Variants in ERCC6 observed in about 807,000 individuals in gnomAD.
ERCC6 encodes the protein DNA excision repair protein ERCC-6.
Under a neutral mutation model 158.7 loss-of-function variants are expected in ERCC6, and 116 were observed. That is an observed-to-expected ratio of 0.73 (90% confidence interval 0.63 to 0.85). The LOEUF (loss-of-function observed/expected upper bound fraction) is 0.85. Ranked by LOEUF, ERCC6 falls within the 40% of genes least tolerant of loss-of-function variation. The pLI, the probability that ERCC6 is intolerant of heterozygous loss-of-function variation, is 0.00. For missense variants in ERCC6, 1,698 were observed against 1,799.4 expected (o/e 0.94, Z 1.02); for synonymous variants, 678 against 659.3 (o/e 1.03, Z -0.43).
Position 49,461,570 on chromosome 10 carries a change from A to G in ERCC6, c.3779-14T>C. 1.2e-6 allele frequency: 2 copies of G among 1,607,742 alleles called. No individual in the cohort carries two copies. Among genetic ancestry groups the G allele is most frequent in the Non-Finnish European group, 1.7e-6 (2 of 1,176,622 alleles). On this transcript the variant is annotated splice_polypyrimidine_tract_variant and intron_variant, in intron 18 of 20. Coordinates refer to ENST00000355832, the MANE Select transcript of ERCC6 (RefSeq NM_000124.4). ...TGTGCACGCCAACTAGCAAGAAAAG[A>G]AATAGCAAAGTGATATTTCACTCTG...
intron 2 of ERCC6, among the ~76,000 whole-genome samples, chr10:49,531,443 TTGTG>T (rs1351254963): frequency 6.6e-6 from 1 of 152,212 alleles, no homozygotes; most frequent in Non-Finnish European, 1.5e-5. Context: ...TTCTTGATGA[TTGTG>T]TAATTTGCTG....
chr10:49,516,065 T>G (rs761559473), intron 5 of ERCC6: 1 of 1,614,160 alleles, frequency 6.2e-7, no homozygotes, highest in Non-Finnish European at 8.5e-7. Flanking sequence ...AGTTATTGAA[T>G]ACAAAATGGT....
Position 49,483,482 on chromosome 10 carries a change from C to G in ERCC6, c.1856G>C (p.Gly619Ala). The G allele has an allele frequency of 1.2e-6, 2 of 1,614,102 alleles. No individual in the cohort carries two copies. The highest frequency in any genetic ancestry group is 4.5e-5 in the East Asian group (2 of 44,872). Residue 619 changes from glycine to alanine, a missense_variant, in exon 9 of 21, where the codon GGA becomes GCA. Coordinates refer to ENST00000355832, the MANE Select transcript of ERCC6 (RefSeq NM_000124.4). Reference protein sequence around the residue: ...KLIRDVAHCHGILITSYSYIR... With the variant: ...KLIRDVAHCHAILITSYSYIR... The stretch of plus-strand genomic sequence containing the variant: ...GTAGGAGTAAGATGTGATCAAAATT[C>G]CATGACAATGAGCAACATCTCGAAT...
chr10:49,491,050 C>A (rs1851166055), intron 8 of ERCC6, among the ~76,000 whole-genome samples: 1 of 152,186 alleles, frequency 6.6e-6, no homozygotes, highest in Non-Finnish European at 1.5e-5. Flanking sequence ...CAGAGATCTG[C>A]ACATACACAG....
chr10:49,490,357 CTTTT>C (rs11400742), intron 8 of ERCC6, among the ~76,000 whole-genome samples: 1 of 140,466 alleles, frequency 7.1e-6, no homozygotes, highest in East Asian at 2.1e-4. Flanking sequence ...AAAAATTTTC[CTTTT>C]TTTTTTTTTT....
chr10:49,493,362 A>G, intron 7 of ERCC6, 110 bp from the exon 8 acceptor site: 1 of 1,287,318 alleles, frequency 7.8e-7, no homozygotes, highest in African/African-American at 1.5e-5. Context: ...CAAAAAAACA[A>G]TGCTAACTAT....
At chr10:49,446,040 A>C in the ERCC6 span, among the ~76,000 whole-genome samples, 2 of 152,200 alleles carry the variant, frequency 1.3e-5, no homozygotes, top group Non-Finnish European at 2.9e-5. Flanking sequence ...ATTCATAACT[A>C]TAAGTTCACA....
At chr10:49,474,577 G>T (rs376445140) in intron 12 of ERCC6, among the ~76,000 whole-genome samples, 2 of 152,044 alleles carry the variant, frequency 1.3e-5, no homozygotes, top group Admixed American at 6.5e-5. Context: ...AAAGGAATTC[G>T]CCTTTTAAAT....
chr10:49,500,712 C>T lies in ERCC6; in HGVS notation c.1527-16G>A, dbSNP rs200100617. The T allele has an allele frequency of 1.9e-6, 3 of 1,612,980 alleles. No homozygotes were observed. Among genetic ancestry groups the T allele is most frequent in the Non-Finnish European group, 2.5e-6 (3 of 1,179,698 alleles). ...CTGCTGGTACCTATGACAACAAACACCAACAAGAAAAGAGAAAATGGCAAA... is the reference window on the plus strand; with the variant it reads ...CTGCTGGTACCTATGACAACAAACATCAACAAGAAAAGAGAAAATGGCAAA... On this transcript the variant is annotated splice_polypyrimidine_tract_variant and intron_variant, in intron 6 of 20. Coordinates refer to ENST00000355832, the MANE Select transcript of ERCC6 (RefSeq NM_000124.4).
At position 49,472,435 on chromosome 10, in the gene ERCC6, C is replaced by T. The variant is rs116186885; in HGVS notation, c.2865G>A (p.Lys955=). 1.8e-5 allele frequency: 29 copies of T among 1,614,104 alleles called. No individual in the cohort carries two copies. In the East Asian group the frequency reaches 2.0e-4, roughly 11 times the overall value. Residue 955 remains lysine, a synonymous_variant, in exon 16 of 21, where the codon AAG becomes AAA. Coordinates refer to ENST00000355832, the MANE Select transcript of ERCC6 (RefSeq NM_000124.4). ...TCAGGAGCCTGTACACAGTCACTTG[C>T]TTCTTCTGGCCTATTCTCCATGCTC... ...RERAWRIGQK[K]QVTVYRLLTA... is the part of the protein sequence containing the mutation.
At chr10:49,473,951 G>T in intron 13 of ERCC6, 76 bp downstream of exon 13, 2 of 1,308,452 alleles carry the variant, frequency 1.5e-6, no homozygotes, top group South Asian at 1.2e-5. Context: ...CATTACTTTA[G>T]ATTGAATCCC....
intron 4 of ERCC6, among the ~76,000 whole-genome samples, chr10:49,527,276 G>A (rs1050554746): frequency 6.6e-6 from 1 of 152,178 alleles, no homozygotes; most frequent in Non-Finnish European, 1.5e-5. Context: ...GATCTGAGAC[G>A]GCCAGACAGG....
chr10:49,492,612 G>A (rs113010035), intron 8 of ERCC6, among the ~76,000 whole-genome samples: 66 of 152,304 alleles, frequency 4.3e-4, no homozygotes, highest in African/African-American at 1.5e-3. Flanking sequence ...AAATACAACT[G>A]TCAATACATG....
In ERCC6 at chr10:49,459,249, C is replaced by T. The variant is rs747021788; in HGVS notation, c.4063-15G>A. 3 of 1,612,910 alleles carry T rather than the reference C, an allele frequency of 1.9e-6. No individual in the cohort carries two copies. The highest frequency in any genetic ancestry group is 2.5e-6 in the Non-Finnish European group (3 of 1,179,480). On this transcript the variant is annotated splice_polypyrimidine_tract_variant and intron_variant, in intron 20 of 20. Coordinates refer to ENST00000355832, the MANE Select transcript of ERCC6 (RefSeq NM_000124.4). ...ATGATGCCATCCTATAAAAAGAAGA[C>T]CACTATACTGATATATTTAATTTCT...
At chr10:49,515,251 T>C in intron 5 of ERCC6, 4 of 1,455,522 alleles carry the variant, frequency 2.7e-6, no homozygotes, top group South Asian at 1.6e-5. Flanking sequence ...CGTTCCAAAA[T>C]TGGAACACTA....
intron 12 of ERCC6, chr10:49,475,293 T>C (rs1229180474): frequency 2.9e-6 from 1 of 345,382 alleles, no homozygotes; most frequent in Admixed American, 3.5e-5. Context: ...ATTTTAGATA[T>C]ATGAAATAAA....
chr10:49,530,706 T>C lies in ERCC6; in HGVS notation c.543+14A>G, dbSNP rs1351558798. 1.9e-6 allele frequency: 3 copies of C among 1,612,214 alleles called. No homozygotes were observed. Among genetic ancestry groups the C allele is most frequent in the Non-Finnish European group, 2.5e-6 (3 of 1,179,402 alleles). On this transcript the variant is annotated intron_variant, in intron 3 of 20. Transcript: ENST00000355832. ...TTTTTCAAAAATGCAATACTGAATG[T>C]TATTCTGAATCACCTTATTATACTT... is the stretch of plus-strand genomic sequence containing the variant.
At chr10:49,449,716 T>A (rs2132516253), downstream of ERCC6, among the ~76,000 whole-genome samples, 1 of 151,694 alleles carries the variant, frequency 6.6e-6, no homozygotes, top group East Asian at 2.0e-4. Context: ...CACGCCCAGC[T>A]AATTTTTGTA....
At chr10:49,444,040 G>T in the ERCC6 span, among the ~76,000 whole-genome samples, 2 of 152,308 alleles carry the variant, frequency 1.3e-5, no homozygotes, top group Admixed American at 6.5e-5. Flanking sequence ...GGCAGGTGGC[G>T]GCTGCCAAGG....
Sources: gnomAD v4.1 joint callset for allele counts (sites outside exome capture counted in the v4.1 genomes callset) on GRCh38, gnomAD v4.1.1 for gene constraint, MANE v1.5 for transcripts, NCBI Gene and HGNC (gene_info 2026-07-23, HGNC 2026-07-21) for gene names.